The following CDK17 variants were observed in gnomAD, a reference collection of about 807,000 sequenced individuals.
The protein encoded by CDK17 is cyclin dependent kinase 17, also known as cyclin-dependent kinase 17.
Under a neutral mutation model 77.6 loss-of-function variants are expected in CDK17, and 24 were observed. The observed-to-expected ratio is 0.31, with a 90% CI of 0.22 to 0.44. CDK17 has a LOEUF of 0.44. Ranked by LOEUF, CDK17 falls within the 20% of genes least tolerant of loss-of-function variation. The probability of loss-of-function intolerance (pLI) is 1.00; values close to 1 mark genes in which losing one functional copy is unlikely to be tolerated. For synonymous variants in CDK17, 203 were observed against 210.4 expected (o/e 0.96, Z 0.30); for missense variants, 429 against 622.5 (o/e 0.69, Z 3.31).
intron 1 of CDK17, among the ~76,000 whole-genome samples, chr12:96,337,447 A>T (rs1489233868): frequency 8.5e-5 from 13 of 152,060 alleles, no homozygotes; most frequent in African/African-American, 2.9e-4. Context: ...CTTCAAAATG[A>T]TTTTTTCCCC....
intron 2 of CDK17, among the ~76,000 whole-genome samples, chr12:96,332,114 T>C (rs949916368): frequency 6.6e-6 from 1 of 152,212 alleles, no homozygotes; most frequent in African/African-American, 2.4e-5. Context: ...AACATTGTGT[T>C]ACAACTACCT....
At chr12:96,319,107 T>C (rs1487331822) in intron 3 of CDK17, among the ~76,000 whole-genome samples, 4 of 145,830 alleles carry the variant, frequency 2.7e-5, no homozygotes, top group Non-Finnish European at 4.6e-5. Flanking sequence ...TAAAAAATGA[T>C]AAAGGGGATA....
At chr12:96,327,750 A>G (rs986367409) in intron 2 of CDK17, among the ~76,000 whole-genome samples, 2 of 151,830 alleles carry the variant, frequency 1.3e-5, no homozygotes, top group Non-Finnish European at 2.9e-5. Context: ...GGGTTTTGCT[A>G]TGTTTCCCAG....
intron 1 of CDK17, among the ~76,000 whole-genome samples, chr12:96,340,981 T>A (rs1355054351): frequency 1.3e-5 from 2 of 152,072 alleles, no homozygotes; most frequent in Non-Finnish European, 2.9e-5. Context: ...TTTTTTATCC[T>A]CTCCCTCCTC....
At chr12:96,294,853 G>A (rs1434452615) in intron 10 of CDK17, 146 bp downstream of exon 10, 3 of 640,408 alleles carry the variant, frequency 4.7e-6, no homozygotes, top group African/African-American at 1.9e-5. Flanking sequence ...ACCAACCAAA[G>A]TTCTGTCAAA....
intron 15 of CDK17, 168 bp downstream of exon 15, chr12:96,282,341 A>C (rs1189072149): frequency 3.5e-6 from 2 of 563,604 alleles, no homozygotes; most frequent in Non-Finnish European, 6.3e-6. Flanking sequence ...AAATAACTGA[A>C]TCATAGGGAA....
At chr12:96,355,819 C>G (rs750982611) in intron 1 of CDK17, among the ~76,000 whole-genome samples, 22 of 152,172 alleles carry the variant, frequency 1.4e-4, no homozygotes, top group Non-Finnish European at 1.5e-4. Flanking sequence ...TCCTGACACT[C>G]AACAGGTGCT....
chr12:96,349,572 A>G (rs1356814313), intron 1 of CDK17, among the ~76,000 whole-genome samples: 2 of 150,972 alleles, frequency 1.3e-5, no homozygotes, highest in Non-Finnish European at 2.9e-5. Context: ...AAAATTCAAC[A>G]CCCTTTCATG....
intron 1 of CDK17, among the ~76,000 whole-genome samples, chr12:96,368,302 G>A (rs1953621433): frequency 6.6e-6 from 1 of 152,198 alleles, no homozygotes. Flanking sequence ...GTGGCTAGAT[G>A]TTAGGAAGTG....
chr12:96,371,999 GTGAGTGTGTGTT>G (rs1292136344), intron 1 of CDK17, among the ~76,000 whole-genome samples: 2 of 42,566 alleles, frequency 4.7e-5, no homozygotes, highest in East Asian at 7.0e-4. Flanking sequence ...CAGTGTGTGA[GTGAGTGTGTGTT>G]TGTGTGTGTG....
intron 10 of CDK17, among the ~76,000 whole-genome samples, chr12:96,291,554 G>A (rs1054699014): frequency 2.0e-5 from 3 of 151,594 alleles, no homozygotes; most frequent in Non-Finnish European, 2.9e-5. Flanking sequence ...GCCTTCCAAA[G>A]TGCTGGGATT....
chr12:96,309,283 T>C (rs1454160203), intron 5 of CDK17, among the ~76,000 whole-genome samples: 1 of 150,030 alleles, frequency 6.7e-6, no homozygotes, highest in Non-Finnish European at 1.5e-5. Context: ...CCTTCATTCA[T>C]AGGCCGTTTT....
chr12:96,350,400 C>T (rs942160913), intron 1 of CDK17, among the ~76,000 whole-genome samples: 9 of 150,076 alleles, frequency 6.0e-5, no homozygotes, highest in Non-Finnish European at 1.2e-4. Flanking sequence ...ATATGGAATT[C>T]CAAGGAACCT....
At chr12:96,379,934 C>T (rs1457760408) in intron 1 of CDK17, among the ~76,000 whole-genome samples, 1 of 151,896 alleles carries the variant, frequency 6.6e-6, no homozygotes, top group Non-Finnish European at 1.5e-5. Context: ...TTTGAAAGGC[C>T]AAGGCAGGAG....
At chr12:96,324,912 A>G (rs566045777) in intron 2 of CDK17, among the ~76,000 whole-genome samples, 1 of 152,202 alleles carries the variant, frequency 6.6e-6, no homozygotes, top group Non-Finnish European at 1.5e-5. Context: ...ATACATATCA[A>G]TACAGAGGCT....
intron 1 of CDK17, among the ~76,000 whole-genome samples, chr12:96,348,694 T>C (rs1181195445): frequency 6.6e-6 from 1 of 152,080 alleles, no homozygotes; most frequent in African/African-American, 2.4e-5. Flanking sequence ...TATGAACAAT[T>C]ATATGCTAAC....
At position 96,400,308 on chromosome 12, in the gene CDK17, CTGAGACTGTCTGG is replaced by C. The variant is rs1954242363; in HGVS notation, c.-365_-353del. The C allele has an allele frequency of 2.6e-6, 1 of 389,212 alleles. No individual in the cohort carries two copies. Among genetic ancestry groups the C allele is most frequent in the South Asian group, 1.3e-4 (1 of 7,706 alleles). 24.1% of individuals were successfully genotyped at this position (389,212 alleles called of 1,614,324 possible). On this transcript the variant is annotated 5_prime_UTR_variant, in exon 1 of 17. Coordinates refer to ENST00000261211, the MANE Select transcript of CDK17 (RefSeq NM_002595.5). Reference sequence around the variant, plus strand: ...GAGCGCGGCGGGCGCCGACGGCGGGCTGAGACTGTCTGGCCGGGCGCTGGCTCCTTCTCCGCGG... The same window carrying C: ...GAGCGCGGCGGGCGCCGACGGCGGGCCCGGGCGCTGGCTCCTTCTCCGCGG...
Position 96,279,244 on chromosome 12 carries a change from G to C in CDK17, c.*998C>G, listed in dbSNP as rs1952142795. The stretch of plus-strand genomic sequence containing the variant: ...CTGTAAGTTCTCATTTCTCTTGTTT[G>C]TAATTTATCATGGCTCATTTCAAAG... On this transcript the variant is annotated 3_prime_UTR_variant, in exon 17 of 17. Coordinates refer to ENST00000261211, the MANE Select transcript of CDK17 (RefSeq NM_002595.5). 6.6e-6 allele frequency: 1 copy of C among 152,184 alleles called. No individual in the cohort carries two copies. The highest frequency in any genetic ancestry group is 2.4e-5 in the African/African-American group (1 of 41,456). 9.4% of individuals were successfully genotyped at this position (152,184 alleles called of 1,614,324 possible). A position where few individuals can be genotyped will look rare whatever the true frequency, so the allele number is the denominator to read the frequency against.
chr12:96,322,086 TACTC>T (rs1405600857), intron 3 of CDK17, among the ~76,000 whole-genome samples: 2 of 152,154 alleles, frequency 1.3e-5, no homozygotes, highest in East Asian at 1.9e-4. Flanking sequence ...AACAAGAAAT[TACTC>T]ACGTCATTAA....
Sources: gnomAD v4.1 joint callset for allele counts (sites outside exome capture counted in the v4.1 genomes callset) on GRCh38, gnomAD v4.1.1 for gene constraint, MANE v1.5 for transcripts, NCBI Gene and HGNC (gene_info 2026-07-23, HGNC 2026-07-21) for gene names.